The following TBC1D19 variants were observed in gnomAD, a reference collection of about 807,000 sequenced individuals.
TBC1D19 encodes the protein TBC1 domain family, member 19.
In TBC1D19, 60 loss-of-function variants were observed where a neutral mutation model predicts 89.0. The ratio of observed to expected loss-of-function variants is 0.67; its 90% CI spans 0.55 to 0.84. TBC1D19 has a LOEUF of 0.84. Ranked by LOEUF, TBC1D19 falls within the 40% of genes least tolerant of loss-of-function variation. TBC1D19 has a pLI of 0.00. For missense variants in TBC1D19, 500 were observed against 610.8 expected, an observed-to-expected ratio of 0.82 and a Z score of 1.91; for synonymous variants, 189 against 199.7, an observed-to-expected ratio of 0.95 and a Z score of 0.45.
At chr4:26,776,516 A>G in the TBC1D19 span, among the ~76,000 whole-genome samples, 56 of 152,288 alleles carry the variant, frequency 3.7e-4, no homozygotes, top group African/African-American at 1.3e-3. Context: ...ATCCTAGTCC[A>G]TTTAACCCCT....
intron 1 of TBC1D19, among the ~76,000 whole-genome samples, chr4:26,594,044 T>A (rs1740020768): frequency 1.3e-5 from 2 of 152,306 alleles, no homozygotes; most frequent in African/African-American, 4.8e-5. Context: ...TGCACACGTA[T>A]GTTTATCGCG....
intron 18 of TBC1D19, among the ~76,000 whole-genome samples, chr4:26,744,288 GC>G (rs1454461891): frequency 1.3e-5 from 2 of 151,580 alleles, no homozygotes; most frequent in Non-Finnish European, 3.0e-5. Context: ...TATTCTGGCT[GC>G]AGGTTTATCA....
At chr4:26,711,200 C>T (rs929503539) in intron 13 of TBC1D19, among the ~76,000 whole-genome samples, 6 of 151,856 alleles carry the variant, frequency 4.0e-5, no homozygotes, top group Admixed American at 2.0e-4. Flanking sequence ...TTAATTTTTG[C>T]ATAAGGTGTA....
At chr4:26,651,862 C>G (rs905863105) in intron 7 of TBC1D19, among the ~76,000 whole-genome samples, 13 of 152,184 alleles carry the variant, frequency 8.5e-5, no homozygotes, top group South Asian at 2.1e-4. Context: ...TCATAGATAG[C>G]TCTTATTATT....
chr4:26,662,863 G>A (rs1745301503), intron 8 of TBC1D19: 1 of 152,146 alleles, frequency 6.6e-6, no homozygotes, highest in Admixed American at 6.5e-5. Context: ...CTCTTATTTA[G>A]GGAGCTCTTG....
In TBC1D19 at chr4:26,748,500, G is replaced by C. The variant is rs1195839853; in HGVS notation, c.1409G>C (p.Gly470Ala). The C allele has an allele frequency of 1.2e-6, 2 of 1,613,332 alleles. No individual in the cohort carries two copies. The highest frequency in any genetic ancestry group is 1.7e-6 in the Non-Finnish European group (2 of 1,179,670). Reference sequence around the variant, plus strand: ...TTGCTTTTATGGGATAGAATCCTAGGATACAACTCTCTGGAAATTCTTGCT... The same window carrying C: ...TTGCTTTTATGGGATAGAATCCTAGCATACAACTCTCTGGAAATTCTTGCT... ...QLLLLWDRILGYNSLEILAVL... is the reference protein window; with the variant it reads ...QLLLLWDRILAYNSLEILAVL... Residue 470 changes from glycine to alanine, a missense_variant, in exon 19 of 21, where the codon GGA becomes GCA. Around this residue, in one of 2 missense-constraint regions of TBC1D19, gnomAD observed 220 missense variants for 319.1 expected, o/e 0.69. Coordinates refer to ENST00000264866, the MANE Select transcript of TBC1D19 (RefSeq NM_018317.4).
intron 13 of TBC1D19, 111 bp from the exon 14 acceptor site, chr4:26,717,822 C>A: frequency 2.5e-6 from 2 of 793,764 alleles, no homozygotes; most frequent in Non-Finnish European, 4.1e-6. Flanking sequence ...ATTCTTCCCA[C>A]CGCAAGGCAC....
At chr4:26,644,908 C>G (rs1196818205) in intron 7 of TBC1D19, among the ~76,000 whole-genome samples, 4 of 152,058 alleles carry the variant, frequency 2.6e-5, no homozygotes, top group African/African-American at 7.2e-5. Context: ...AACCACTGTT[C>G]AATGAAATAA....
intron 13 of TBC1D19, among the ~76,000 whole-genome samples, chr4:26,709,405 A>G (rs1388890608): frequency 6.6e-6 from 1 of 152,072 alleles, no homozygotes; most frequent in East Asian, 1.9e-4. Flanking sequence ...CTTCAGCCAG[A>G]GGGGAAGGGG....
At chr4:26,685,459 A>T (rs895294439) in intron 12 of TBC1D19, among the ~76,000 whole-genome samples, 4 of 152,228 alleles carry the variant, frequency 2.6e-5, no homozygotes, top group African/African-American at 9.6e-5. Context: ...TTTCCATGTT[A>T]TACTAACATC....
the TBC1D19 span, among the ~76,000 whole-genome samples, chr4:26,786,085 T>G: frequency 6.6e-6 from 1 of 152,176 alleles, no homozygotes; most frequent in East Asian, 1.9e-4. Context: ...AGTTTGAAAT[T>G]AGGGTTTCTT....
chr4:26,782,948 G>A, the TBC1D19 span, among the ~76,000 whole-genome samples: 9 of 152,124 alleles, frequency 5.9e-5, no homozygotes, highest in Non-Finnish European at 1.2e-4. Context: ...TACGACTGCA[G>A]AATGTGTGAG....
chr4:26,622,913 C>T lies in TBC1D19; in HGVS notation c.294+2225C>T, dbSNP rs141410471. ...CAATAGCAGGGATTGTGCTTTTTAT[C>T]GTCAGCATCTAGCATAGTACCCAGC... On this transcript the variant is annotated intron_variant, in intron 4 of 20. Coordinates refer to ENST00000264866, the MANE Select transcript of TBC1D19 (RefSeq NM_018317.4). Among the ~76,000 whole-genome samples, 127 of 152,216 alleles carry T rather than the reference C, an allele frequency of 8.3e-4. 1 individual carries two copies. The highest frequency in any genetic ancestry group is 2.5e-3 in the African/African-American group (105 of 41,510).
At chr4:26,594,605 T>G (rs1389869729) in intron 1 of TBC1D19, among the ~76,000 whole-genome samples, 5 of 152,150 alleles carry the variant, frequency 3.3e-5, no homozygotes, top group Admixed American at 6.5e-5. Context: ...TAAGAAATGA[T>G]GTAATGCATG....
In TBC1D19 at chr4:26,620,675, T is replaced by C; in HGVS notation, c.281T>C (p.Met94Thr). 1 of 1,613,714 alleles carries C rather than the reference T, an allele frequency of 6.2e-7. No individual in the cohort carries two copies. Among genetic ancestry groups the C allele is most frequent in the Non-Finnish European group, 8.5e-7 (1 of 1,179,818 alleles). Reference sequence around the variant, plus strand: ...CATCTTAAAGAACCTTTGGTATACATGAGGAAAGCACAGGTTGGCTATTGT... The same window carrying C: ...CATCTTAAAGAACCTTTGGTATACACGAGGAAAGCACAGGTTGGCTATTGT... ...PEHLKEPLVYMRKAQGSWEKR... is the reference protein window; with the variant it reads ...PEHLKEPLVYTRKAQGSWEKR... The change falls in exon 4 of 21, where the codon ATG becomes ACG. Residue 94 changes from methionine to threonine, a missense_variant. Around this residue, in one of 2 missense-constraint regions of TBC1D19, gnomAD observed 280 missense variants for 291.7 expected, o/e 0.96. Transcript: ENST00000264866.
intron 13 of TBC1D19, among the ~76,000 whole-genome samples, chr4:26,710,031 T>A (rs1268031603): frequency 6.6e-6 from 1 of 151,964 alleles, no homozygotes; most frequent in African/African-American, 2.4e-5. Flanking sequence ...CAGAGTGTTT[T>A]TTTTTATTTT....
chr4:26,786,961 A>C, the TBC1D19 span, among the ~76,000 whole-genome samples: 1 of 152,206 alleles, frequency 6.6e-6, no homozygotes, highest in Admixed American at 6.5e-5. Flanking sequence ...CAGGAGATTT[A>C]ATTAACCCTT....
At chr4:26,778,403 G>A in the TBC1D19 span, among the ~76,000 whole-genome samples, 2 of 146,140 alleles carry the variant, frequency 1.4e-5, no homozygotes, top group Non-Finnish European at 3.0e-5. Flanking sequence ...ACAACAGAGT[G>A]AGACTCCATC....
chr4:26,815,474 T>C, the TBC1D19 span, among the ~76,000 whole-genome samples: 2 of 152,218 alleles, frequency 1.3e-5, no homozygotes, highest in Admixed American at 6.5e-5. Flanking sequence ...TTGGGAACTT[T>C]AGTGAACAAG....
Sources: allele counts gnomAD v4.1 joint callset (sites outside exome capture counted in the v4.1 genomes callset), GRCh38; gene constraint gnomAD v4.1.1; regional missense constraint gnomAD v4.1.1; transcripts MANE v1.5; gene names NCBI Gene and HGNC (gene_info 2026-07-23, HGNC 2026-07-21).